The following PAG1 variants were observed in gnomAD, a reference collection of about 807,000 sequenced individuals.
The protein encoded by PAG1 is phosphoprotein membrane anchor with glycosphingolipid microdomains 1.
PAG1 carries 23 observed loss-of-function variants against 31.7 expected under a neutral mutation model. That is an observed-to-expected ratio of 0.73 (90% CI 0.52 to 1.03). The LOEUF (loss-of-function observed/expected upper bound fraction) is 1.03. Among genes scored for constraint, PAG1 ranks in the 50% least tolerant of loss-of-function variants. The pLI is 0.00. For synonymous variants in PAG1, 214 were observed against 210.3 expected, an observed-to-expected ratio of 1.02 and a Z score of -0.15; for missense variants, 473 against 540.7, an observed-to-expected ratio of 0.87 and a Z score of 1.24.
Position 80,981,862 on chromosome 8 carries a change from CTTTTTTT to C in PAG1, c.877-1375_877-1369del, listed in dbSNP as rs57438015. 1.2e-4 allele frequency among the ~76,000 whole-genome samples: 12 copies of C among 103,430 alleles called. No homozygotes were observed. The South Asian group carries it at 1.6e-3, about 14-fold the overall frequency. The allele number at this position is 103,430 out of a possible 152,430, so 67.9% of individuals were successfully genotyped here. A position where few individuals can be genotyped will look rare whatever the true frequency, so the allele number is the denominator to read the frequency against. ...TTCTACCTACTCATTATCTCACTTC[CTTTTTTT>C]TTTTTTTTTTTTTTTTGACAGCGTC... On this transcript the variant is annotated intron_variant, in intron 7 of 8. Transcript: ENST00000220597.
chr8:81,076,120 C>CT (rs1371270072), intron 1 of PAG1, among the ~76,000 whole-genome samples: 1 of 152,238 alleles, frequency 6.6e-6, no homozygotes, highest in Non-Finnish European at 1.5e-5. Flanking sequence ...AGAACCTGTT[C>CT]TGCTTTCAAG....
intron 3 of PAG1, among the ~76,000 whole-genome samples, chr8:81,016,590 G>A (rs559755168): frequency 2.6e-5 from 4 of 152,276 alleles, no homozygotes; most frequent in South Asian, 4.1e-4. Flanking sequence ...CTGCTCAAAT[G>A]TTACCATTTC....
intron 2 of PAG1, among the ~76,000 whole-genome samples, chr8:81,046,063 T>C (rs956559097): frequency 7.2e-5 from 11 of 152,200 alleles, no homozygotes; most frequent in African/African-American, 2.7e-4. Context: ...TCGGTAAATA[T>C]TAGAGCCGGG....
In PAG1 at chr8:81,034,842, C is replaced by T. The variant is rs555954597; in HGVS notation, c.-174-4753G>A. On this transcript the variant is annotated intron_variant, in intron 2 of 8. Transcript: ENST00000220597. ...CAAAGAATACGATTTCATGTACCAC[C>T]TGCCATAACTCAAAAGAACACAAAG... Among the ~76,000 whole-genome samples, 15 of 152,272 alleles carry T rather than the reference C, an allele frequency of 9.9e-5. No individual in the cohort carries two copies. The South Asian group carries it at 3.1e-3, about 32-fold the overall frequency.
chr8:81,103,375 C>A (rs1334630332), intron 1 of PAG1, among the ~76,000 whole-genome samples: 1 of 152,152 alleles, frequency 6.6e-6, no homozygotes, highest in African/African-American at 2.4e-5. Context: ...GTGGTACGAA[C>A]CCAGGACACC....
chr8:81,101,901 A>G (rs1256642334), intron 1 of PAG1, among the ~76,000 whole-genome samples: 2 of 152,200 alleles, frequency 1.3e-5, no homozygotes, highest in Admixed American at 1.3e-4. Flanking sequence ...TACTTTTTAG[A>G]AAATGAAAAC....
chr8:81,092,490 T>C (rs868543207), intron 1 of PAG1, among the ~76,000 whole-genome samples: 1 of 152,230 alleles, frequency 6.6e-6, no homozygotes, highest in Non-Finnish European at 1.5e-5. Flanking sequence ...CTGTTAAATA[T>C]GACAAATCCA....
intron 7 of PAG1, among the ~76,000 whole-genome samples, chr8:80,983,904 A>T (rs1807359585): frequency 6.6e-6 from 1 of 152,236 alleles, no homozygotes; most frequent in South Asian, 2.1e-4. Context: ...GCATTCAGAG[A>T]ACAGCACAAA....
intron 2 of PAG1, among the ~76,000 whole-genome samples, chr8:81,067,171 AT>A (rs1169744834): frequency 6.6e-6 from 1 of 152,190 alleles, no homozygotes; most frequent in Non-Finnish European, 1.5e-5. Flanking sequence ...ACCAAAAGGA[AT>A]TTAAAAATTA....
intron 2 of PAG1, among the ~76,000 whole-genome samples, chr8:81,045,837 T>C (rs1408433237): frequency 1.3e-5 from 2 of 152,092 alleles, no homozygotes; most frequent in East Asian, 3.8e-4. Flanking sequence ...TCTGCATTAA[T>C]AAAAAAGAAA....
rs869177030 is a variant in PAG1 at position 81,085,972 on chromosome 8, G to GTTTTTTTTTTTTTTT, written c.-233-15817_-233-15803dup. On this transcript the variant is annotated intron_variant, in intron 1 of 8. Coordinates refer to ENST00000220597, the MANE Select transcript of PAG1 (RefSeq NM_018440.4). ...AGTAGTTACGCTTTTAATCTGGCTT[G>GTTTTTTTTTTTTTTT]TTTTTTTTTTTTTTTTTTTTTTTTT... Among the ~76,000 whole-genome samples, 18 of 58,906 alleles carry GTTTTTTTTTTTTTTT rather than the reference G, an allele frequency of 3.1e-4. 6 individuals carry two copies. The highest frequency in any genetic ancestry group is 1.2e-3 in the African/African-American group (16 of 13,784). 38.6% of individuals were successfully genotyped at this position (58,906 alleles called of 152,430 possible). A position where few individuals can be genotyped will look rare whatever the true frequency, so the allele number is the denominator to read the frequency against.
rs778436436 is a variant in PAG1, at chr8:80,974,016, G to C, written c.*2528C>G. ...TATATCACAGCTTATTCTAACCACT[G>C]GTTCTCAAATTAAAAGGTATATTTC... On this transcript the variant is annotated 3_prime_UTR_variant, in exon 9 of 9. Coordinates refer to ENST00000220597, the MANE Select transcript of PAG1 (RefSeq NM_018440.4). 6 of 151,988 alleles carry C rather than the reference G, an allele frequency of 3.9e-5. No individual in the cohort carries two copies. The highest frequency in any genetic ancestry group is 5.9e-5 in the Non-Finnish European group (4 of 68,016). 9.4% of individuals were successfully genotyped at this position (151,988 alleles called of 1,614,324 possible).
chr8:81,035,661 A>C (rs1808450816), intron 2 of PAG1, among the ~76,000 whole-genome samples: 1 of 152,172 alleles, frequency 6.6e-6, no homozygotes, highest in South Asian at 2.1e-4. Flanking sequence ...GGGAACAAGG[A>C]AGGCAGGAGG....
At chr8:80,989,671 C>T (rs573721308) in intron 5 of PAG1, among the ~76,000 whole-genome samples, 137 of 152,270 alleles carry the variant, frequency 9.0e-4, no homozygotes, top group African/African-American at 3.2e-3. Context: ...CACTCTCTTC[C>T]TATCTCGCCC....
Position 80,974,160 on chromosome 8 carries a change from T to TG in PAG1, c.*2383_*2384insC, listed in dbSNP as rs1807135653. On this transcript the variant is annotated 3_prime_UTR_variant, in exon 9 of 9. Coordinates refer to ENST00000220597, the MANE Select transcript of PAG1 (RefSeq NM_018440.4). Reference sequence around the variant, plus strand: ...TGAGCTTTCTATAAAAAGTTTTTTTTTTTTTTTTTTTTTTACTTTAGAGAT... The same window carrying TG: ...TGAGCTTTCTATAAAAAGTTTTTTTTGTTTTTTTTTTTTTTACTTTAGAGAT... The TG allele has an allele frequency of 6.6e-6, 1 of 150,864 alleles. No homozygotes were observed. Among genetic ancestry groups the TG allele is most frequent in the Middle Eastern group, 3.4e-3 (1 of 292 alleles). The allele number at this position is 150,864 out of a possible 1,614,324, so 9.3% of individuals were successfully genotyped here. A position where few individuals can be genotyped will look rare whatever the true frequency, so the allele number is the denominator to read the frequency against.
At chr8:81,064,729 G>T (rs1358544459) in intron 2 of PAG1, among the ~76,000 whole-genome samples, 1 of 152,144 alleles carries the variant, frequency 6.6e-6, no homozygotes, top group African/African-American at 2.4e-5. Flanking sequence ...TTCAAAAGTA[G>T]TTCTTACGAT....
At chr8:81,104,654 T>C (rs183085330) in intron 1 of PAG1, among the ~76,000 whole-genome samples, 205 of 152,278 alleles carry the variant, frequency 1.3e-3, no homozygotes, top group African/African-American at 4.3e-3. Flanking sequence ...GGCAGCCTTA[T>C]GGATTCAATT....
At chr8:81,097,306 G>A (rs1809543555) in intron 1 of PAG1, among the ~76,000 whole-genome samples, 1 of 152,188 alleles carries the variant, frequency 6.6e-6, no homozygotes, top group South Asian at 2.1e-4. Flanking sequence ...GGTAGGGGTG[G>A]AGGATGTCAT....
chr8:80,993,156 G>A lies in PAG1; in HGVS notation c.72C>T (p.Val24=), dbSNP rs145061467. The change falls in exon 4 of 9, where the codon GTC becomes GTT. Residue 24 remains valine, a synonymous_variant. Transcript: ENST00000220597. ...QITLWGSLAA[V]AIFFVITFLI... is the part of the protein sequence containing the mutation. ...GGAAGGTGATGACGAAGAAAATGGC[G>A]ACAGCAGCCAGACTTCCCCACAGGG... 1.3e-4 allele frequency: 209 copies of A among 1,613,794 alleles called. No homozygotes were observed. The African/African-American group carries it at 2.3e-3, about 18-fold the overall frequency.
Sources: allele counts gnomAD v4.1 joint callset (sites outside exome capture counted in the v4.1 genomes callset), GRCh38; gene constraint gnomAD v4.1.1; transcripts MANE v1.5; gene names NCBI Gene and HGNC (gene_info 2026-07-23, HGNC 2026-07-21).